The following HELQ variants were observed in gnomAD, a reference collection of about 807,000 sequenced individuals.
HELQ encodes helicase POLQ-like.
HELQ carries 77 observed loss-of-function variants against 111.6 expected under a neutral mutation model. The ratio of observed to expected loss-of-function variants is 0.69; its 90% CI spans 0.57 to 0.83. The LOEUF (loss-of-function observed/expected upper bound fraction) is 0.83, where lower values mean the gene tolerates loss of function less well. Among genes scored for constraint, HELQ ranks in the 40% least tolerant of loss-of-function variants. HELQ has a pLI of 0.00. For synonymous variants in HELQ, 438 were observed against 454.7 expected (o/e 0.96, Z 0.47); for missense variants, 1,200 against 1,288.5 (o/e 0.93, Z 1.05).
At chr4:83,449,297 G>A (rs6535475) in intron 2 of HELQ, among the ~76,000 whole-genome samples, 151,685 of 152,362 alleles carry the variant, frequency 1, 75,506 homozygotes, top group Middle Eastern at 1. Flanking sequence ...ACAAGGACCT[G>A]TGTGAATTCG....
chr4:83,410,473 A>T (rs927604744), intron 17 of HELQ, among the ~76,000 whole-genome samples: 7 of 152,198 alleles, frequency 4.6e-5, no homozygotes, highest in African/African-American at 1.7e-4. Flanking sequence ...GGTATAATTT[A>T]ACAATTCTGC....
chr4:83,420,580 T>A (rs1739625219), intron 15 of HELQ, among the ~76,000 whole-genome samples: 1 of 151,832 alleles, frequency 6.6e-6, no homozygotes, highest in Admixed American at 6.6e-5. Flanking sequence ...AGGTCCGGAG[T>A]TCGAGATCAG....
At chr4:83,455,077 T>C (rs2110021600) in intron 1 of HELQ, among the ~76,000 whole-genome samples, 2 of 152,306 alleles carry the variant, frequency 1.3e-5, no homozygotes, top group Middle Eastern at 3.4e-3. Flanking sequence ...AAAATCTAGA[T>C]AATATAACTA....
intron 14 of HELQ, among the ~76,000 whole-genome samples, chr4:83,421,985 C>T (rs1361682854): frequency 6.6e-5 from 10 of 152,114 alleles, no homozygotes; most frequent in Non-Finnish European, 1.3e-4. Context: ...CTTTGGGAGG[C>T]TGTGGCAGAT....
chr4:83,439,367 CTT>C (rs34289754), intron 8 of HELQ, among the ~76,000 whole-genome samples: 10 of 144,344 alleles, frequency 6.9e-5, no homozygotes, highest in Non-Finnish European at 9.1e-5. Flanking sequence ...GCCTGGTCTT[CTT>C]TTTTTTTTTT....
chr4:83,428,909 T>C (rs1460849275), intron 12 of HELQ, among the ~76,000 whole-genome samples: 1 of 152,096 alleles, frequency 6.6e-6, no homozygotes, highest in Non-Finnish European at 1.5e-5. Flanking sequence ...AAATGTACAG[T>C]AAAGGTCTGG....
chr4:83,435,813 A>G (rs184032760), intron 9 of HELQ, among the ~76,000 whole-genome samples: 14 of 152,228 alleles, frequency 9.2e-5, no homozygotes, highest in South Asian at 4.1e-4. Flanking sequence ...CTAAAGTAAT[A>G]AAAAATGTTT....
In HELQ at chr4:83,433,870, A is replaced by G. The variant is rs538180124; in HGVS notation, c.2049-1603T>C. ...GTGTTGTGTGCCTGTAATCCCAGCT[A>G]CTTGGGAGGCTGAGGCAGGAGAATC... On this transcript the variant is annotated intron_variant, in intron 9 of 17. Transcript: ENST00000295488. Among the ~76,000 whole-genome samples the G allele has an allele frequency of 5.3e-5, 8 of 151,368 alleles. No homozygotes were observed. In the South Asian group the frequency reaches 1.7e-3, roughly 32 times the overall value.
chr4:83,414,531 T>C (rs898715316), intron 17 of HELQ, among the ~76,000 whole-genome samples: 1 of 152,164 alleles, frequency 6.6e-6, no homozygotes, highest in Non-Finnish European at 1.5e-5. Flanking sequence ...TCAAGAATGA[T>C]GATGACAGGT....
intron 16 of HELQ, 25 bp downstream of exon 16, chr4:83,418,068 A>G (rs772136226): frequency 1.4e-5 from 18 of 1,293,560 alleles, no homozygotes; most frequent in Middle Eastern, 1.9e-4. Context: ...CATAATTTCA[A>G]TTGGGAAACC....
rs779375569 is a variant in HELQ at position 83,439,880 on chromosome 4, T to C, written c.1791A>G (p.Ile597Met). The C allele has an allele frequency of 6.3e-7, 1 of 1,586,116 alleles. No individual in the cohort carries two copies. Among genetic ancestry groups the C allele is most frequent in the Non-Finnish European group, 8.6e-7 (1 of 1,159,654 alleles). The change falls in exon 8 of 18, where the codon ATA (isoleucine) becomes ATG (methionine). Residue 597 changes from isoleucine (I) to methionine (M), a missense_variant. Around this residue, in one of 3 missense-constraint regions of HELQ, gnomAD observed 585 missense variants for 665.3 expected, o/e 0.88. Coordinates refer to ENST00000295488, the MANE Select transcript of HELQ (RefSeq NM_133636.5). ...TAACATACTTGCTTAAAAATTTGCA[T>C]ATCATTTCTGCTACATTTTCACAGT... ...KKNCENVAEM[I>M]CKFLSKEYLK...
chr4:83,414,962 G>C (rs1160179479), intron 17 of HELQ, among the ~76,000 whole-genome samples: 2 of 152,072 alleles, frequency 1.3e-5, no homozygotes, highest in African/African-American at 2.4e-5. Flanking sequence ...TAAATTGGGG[G>C]TAACACTGAC....
chr4:83,426,284 T>G (rs949229422), intron 13 of HELQ, among the ~76,000 whole-genome samples, 192 bp from the exon 14 acceptor site: 1 of 152,132 alleles, frequency 6.6e-6, no homozygotes, highest in African/African-American at 2.4e-5. Context: ...TTAGAATTAC[T>G]TAAAGGCATA....
At chr4:83,407,738 G>A (rs1738869444) in intron 17 of HELQ, among the ~76,000 whole-genome samples, 178 bp from the exon 18 acceptor site, 1 of 152,052 alleles carries the variant, frequency 6.6e-6, no homozygotes, top group African/African-American at 2.4e-5. Context: ...ATGAAGATGA[G>A]GCATTTAGTT....
At chr4:83,447,200 C>T (rs576554224) in intron 3 of HELQ, among the ~76,000 whole-genome samples, 165 bp from the exon 4 acceptor site, 16 of 152,012 alleles carry the variant, frequency 1.1e-4, no homozygotes, top group East Asian at 1.9e-4. Context: ...ATAAAAAATT[C>T]GCTGGCTGTG....
chr4:83,416,943 A>T, intron 16 of HELQ, 78 bp from the exon 17 acceptor site: 1 of 1,251,576 alleles, frequency 8.0e-7, no homozygotes, highest in Non-Finnish European at 1.1e-6. Flanking sequence ...ACTGAAAAGA[A>T]CAAAAACTGC....
Position 83,439,958 on chromosome 4 carries a change from C to T in HELQ, c.1713G>A (p.Val571=), listed in dbSNP as rs775221859. The part of the protein sequence containing the change: ...KMDPDHLVAL[V]TEVIPNYSCL... ...AGGAATAATTGGGAATAACTTCTGT[C>T]ACCAATGCTACCAAGTGATCAGGAT... The change falls in exon 8 of 18, where the codon GTG becomes GTA. Residue 571 remains valine (V), a synonymous_variant. Transcript: ENST00000295488. 2 of 1,611,124 alleles carry T rather than the reference C, an allele frequency of 1.2e-6. No homozygotes were observed. The highest frequency in any genetic ancestry group is 3.3e-5 in the Admixed American group (2 of 59,950).
chr4:83,422,926 C>T (rs1719620840), intron 14 of HELQ, among the ~76,000 whole-genome samples: 1 of 152,062 alleles, frequency 6.6e-6, no homozygotes, highest in Non-Finnish European at 1.5e-5. Flanking sequence ...ATATTAGATC[C>T]TATGATTTCC....
At chr4:83,413,654 G>A (rs999860060) in intron 17 of HELQ, among the ~76,000 whole-genome samples, 7 of 152,088 alleles carry the variant, frequency 4.6e-5, no homozygotes, top group Non-Finnish European at 7.4e-5. Context: ...AGTATGCAGC[G>A]GAAATGACAC....
Sources: gnomAD v4.1 joint callset for allele counts (sites outside exome capture counted in the v4.1 genomes callset) on GRCh38, gnomAD v4.1.1 for gene constraint, gnomAD v4.1.1 regional missense constraint, MANE v1.5 for transcripts, NCBI Gene and HGNC (gene_info 2026-07-23, HGNC 2026-07-21) for gene names.